Variants in GINM1 observed in about 807,000 individuals in gnomAD.
The protein encoded by GINM1 is glycosylated integral membrane protein 1.
A neutral mutation model predicts 37.8 loss-of-function variants in GINM1; 29 were observed. That is an observed-to-expected ratio of 0.77 (90% CI 0.57 to 1.05). The LOEUF (loss-of-function observed/expected upper bound fraction) is 1.05. Among genes scored for constraint, GINM1 ranks in the 50% least tolerant of loss-of-function variants. GINM1 has a pLI of 0.00. For missense variants in GINM1, 377 were observed against 397.9 expected (o/e 0.95, Z 0.45); for synonymous variants, 143 against 146.2 (o/e 0.98, Z 0.16).
rs1408678224 is a variant in GINM1, at chr6:149,566,618, T to G, written c.120+84T>G. The G allele has an allele frequency of 2.2e-6, 3 of 1,361,236 alleles. No homozygotes were observed. Among genetic ancestry groups the G allele is most frequent in the Non-Finnish European group, 1.9e-6 (2 of 1,054,280 alleles). 84.3% of individuals were successfully genotyped at this position (1,361,236 alleles called of 1,614,324 possible). On this transcript the variant is annotated intron_variant, in intron 1 of 7. Transcript: ENST00000367419. This position sits in a 1 kb window ranked among gnomAD's most constrained non-coding sequence, Gnocchi z 4.4. ...GCTGTCCACAGTGACGCTTCCCACA[T>G]CCCACCGGCGGGCAGGGGCGGGGGT...
At chr6:149,577,613 A>C (rs1777933936) in intron 3 of GINM1, 1 of 152,216 alleles carries the variant, frequency 6.6e-6, no homozygotes, top group African/African-American at 2.4e-5. Context: ...AGGTAGGTAT[A>C]TCTTGTAATA....
chr6:149,583,458 A>G (rs1236495204), intron 7 of GINM1, among the ~76,000 whole-genome samples: 1 of 151,696 alleles, frequency 6.6e-6, no homozygotes, highest in Non-Finnish European at 1.5e-5. Flanking sequence ...GTGAGACTTC[A>G]TCTCAAAAAA....
chr6:149,568,122 T>C (rs1008543899), intron 1 of GINM1, among the ~76,000 whole-genome samples: 1 of 152,228 alleles, frequency 6.6e-6, no homozygotes, highest in African/African-American at 2.4e-5. Context: ...GAAATTCACA[T>C]ATTACGCTGG....
chr6:149,579,400 G>A (rs1447884228), intron 4 of GINM1, among the ~76,000 whole-genome samples: 1 of 152,208 alleles, frequency 6.6e-6, no homozygotes, highest in Non-Finnish European at 1.5e-5. Flanking sequence ...GAAATAAATA[G>A]TAATTGTTAG....
chr6:149,580,059 T>C, intron 5 of GINM1, 69 bp downstream of exon 5: 2 of 961,366 alleles, frequency 2.1e-6, no homozygotes, highest in Admixed American at 5.5e-5. Context: ...TTATATACTC[T>C]TGAACTTTGT....
intron 3 of GINM1, among the ~76,000 whole-genome samples, chr6:149,574,971 G>T (rs1295232567): frequency 2.6e-5 from 4 of 151,930 alleles, no homozygotes; most frequent in Non-Finnish European, 4.4e-5. Context: ...TTCCCTTTTT[G>T]CCTTTGGGTT....
At chr6:149,567,561 A>AG (rs1478255725) in intron 1 of GINM1, among the ~76,000 whole-genome samples, 1 of 152,138 alleles carries the variant, frequency 6.6e-6, no homozygotes, top group African/African-American at 2.4e-5. Context: ...GAATTGCTTG[A>AG]ACCCGGGAGG....
intron 1 of GINM1, among the ~76,000 whole-genome samples, chr6:149,571,050 T>C (rs2115055309): frequency 6.6e-6 from 1 of 152,248 alleles, no homozygotes; most frequent in East Asian, 1.9e-4. Flanking sequence ...GTGCGGTGGC[T>C]CACGCCTGTA....
chr6:149,587,133 T>G (rs1278828850), intron 7 of GINM1, among the ~76,000 whole-genome samples: 1 of 152,182 alleles, frequency 6.6e-6, no homozygotes, highest in East Asian at 1.9e-4. Flanking sequence ...TACCTATTCT[T>G]TTTATGGCTG....
At chr6:149,588,406 C>T (rs758913031) in intron 7 of GINM1, among the ~76,000 whole-genome samples, 3 of 152,150 alleles carry the variant, frequency 2.0e-5, no homozygotes, top group Non-Finnish European at 4.4e-5. Context: ...TATATAAGAG[C>T]TCTTTTGTCT....
intron 3 of GINM1, among the ~76,000 whole-genome samples, chr6:149,574,158 C>G (rs370395281): frequency 6.7e-6 from 1 of 150,198 alleles, no homozygotes; most frequent in Non-Finnish European, 1.5e-5. Flanking sequence ...TCAAGTGATT[C>G]TCCTGCCTCA....
chr6:149,567,923 T>C (rs1777747442), intron 1 of GINM1, among the ~76,000 whole-genome samples: 1 of 152,240 alleles, frequency 6.6e-6, no homozygotes, highest in Admixed American at 6.5e-5. Context: ...TTTTCAAGTT[T>C]TAAAGATTCA....
chr6:149,580,115 T>G, intron 5 of GINM1, 125 bp downstream of exon 5: 1 of 643,000 alleles, frequency 1.6e-6, no homozygotes, highest in Non-Finnish European at 2.6e-6. Context: ...CTTTAATAGT[T>G]AATATGTTTG....
At position 149,590,729 on chromosome 6, in the gene GINM1, G is replaced by T; in HGVS notation, c.884G>T (p.Gly295Val). ...TAATTAATCACTTTCTATTTCAGAG[G>T]AATTCTTCAGTTGGATAAAGTGGAC... ...KVFFPVSEYK[G>V]ILQLDKVDVI... Residue 295 changes from glycine to valine, a missense_variant and splice_region_variant, in exon 8 of 8, where the codon GGA becomes GTA. Gly to Val is a moderately radical substitution (Grantham distance 109). Coordinates refer to ENST00000367419, the MANE Select transcript of GINM1 (RefSeq NM_138785.5). 1 of 1,478,264 alleles carries T rather than the reference G, an allele frequency of 6.8e-7. No individual in the cohort carries two copies. The highest frequency in any genetic ancestry group is 9.4e-7 in the Non-Finnish European group (1 of 1,062,204). The allele number at this position is 1,478,264 out of a possible 1,614,324, so 91.6% of individuals were successfully genotyped here.
At chr6:149,585,833 C>T (rs903849706) in intron 7 of GINM1, among the ~76,000 whole-genome samples, 2 of 152,132 alleles carry the variant, frequency 1.3e-5, no homozygotes, top group African/African-American at 4.8e-5. Flanking sequence ...ACCTCGTGAG[C>T]CCCCTGCCTT....
intron 3 of GINM1, among the ~76,000 whole-genome samples, chr6:149,574,784 C>T (rs961125303): frequency 6.6e-6 from 1 of 152,106 alleles, no homozygotes; most frequent in African/African-American, 2.4e-5. Flanking sequence ...GAAAGGATCC[C>T]TTGAGCTCAG....
At chr6:149,580,849 A>C (rs961328691) in intron 6 of GINM1, 126 bp downstream of exon 6, 49 of 742,982 alleles carry the variant, frequency 6.6e-5, no homozygotes, top group Non-Finnish European at 8.1e-5. Flanking sequence ...TAATGGACTC[A>C]TCTTGGTCTT....
chr6:149,586,568 G>A (rs1582738815), intron 7 of GINM1, among the ~76,000 whole-genome samples: 2 of 152,132 alleles, frequency 1.3e-5, no homozygotes, highest in East Asian at 3.8e-4. Flanking sequence ...AAAGCATGAA[G>A]TAACCTCAAG....
intron 3 of GINM1, among the ~76,000 whole-genome samples, chr6:149,578,508 A>G (rs974231145): frequency 3.5e-5 from 5 of 144,878 alleles, no homozygotes; most frequent in African/African-American, 1.3e-4. Context: ...CCTGGGCGAC[A>G]GAGCAAGACT....
Sources: gnomAD v4.1 joint callset for allele counts (sites outside exome capture counted in the v4.1 genomes callset) on GRCh38, gnomAD v4.1.1 for gene constraint, Gnocchi (gnomAD v3.1) non-coding constraint, MANE v1.5 for transcripts, NCBI Gene and HGNC (gene_info 2026-07-23, HGNC 2026-07-21) for gene names.